KCNH7: variants seen among roughly 807,000 people sequenced by gnomAD.
The protein encoded by KCNH7 is potassium voltage-gated channel subfamily H member 7.
KCNH7 carries 49 observed loss-of-function variants against 120.8 expected under a neutral mutation model. The observed-to-expected ratio is 0.41, with a 90% CI of 0.32 to 0.51. KCNH7 has a LOEUF of 0.51. Ranked by LOEUF, KCNH7 falls within the 20% of genes least tolerant of loss-of-function variation. KCNH7 has a pLI of 0.38. For missense variants in KCNH7, 1,097 were observed against 1,446.6 expected, an observed-to-expected ratio of 0.76 and a Z score of 3.92; for synonymous variants, 547 against 516.1, an observed-to-expected ratio of 1.06 and a Z score of -0.81.
chr2:162,400,470 T>C (rs577155444), intron 9 of KCNH7, 29 bp from the exon 10 acceptor site: 1 of 1,607,852 alleles, frequency 6.2e-7, no homozygotes, highest in African/African-American at 1.3e-5. Flanking sequence ...AGTTTCATAC[T>C]ACCAGTGTTC....
intron 3 of KCNH7, among the ~76,000 whole-genome samples, chr2:162,531,752 T>A (rs902876589): frequency 3.3e-5 from 5 of 151,966 alleles, no homozygotes; most frequent in Non-Finnish European, 4.4e-5. Context: ...CATATTAGAA[T>A]CATATTACAT....
intron 8 of KCNH7, among the ~76,000 whole-genome samples, chr2:162,426,374 T>G (rs747131845): frequency 6.6e-6 from 1 of 152,160 alleles, no homozygotes; most frequent in African/African-American, 2.4e-5. Context: ...AAAATACTTA[T>G]GTTCTGTACA....
intron 2 of KCNH7, among the ~76,000 whole-genome samples, chr2:162,764,980 A>G (rs1298362454): frequency 6.6e-6 from 1 of 152,196 alleles, no homozygotes; most frequent in African/African-American, 2.4e-5. Flanking sequence ...AGAGCTATAA[A>G]ACCAAATTTA....
At chr2:162,655,851 C>T (rs146745623) in intron 2 of KCNH7, among the ~76,000 whole-genome samples, 1 of 152,136 alleles carries the variant, frequency 6.6e-6, no homozygotes, top group Admixed American at 6.5e-5. Context: ...CATATCAATT[C>T]GTAGCATAGT....
At position 162,527,376 on chromosome 2, in the gene KCNH7, T is replaced by C. The variant is rs190082181; in HGVS notation, c.464-9218A>G. On this transcript the variant is annotated intron_variant, in intron 3 of 15. Transcript: ENST00000332142. The stretch of plus-strand genomic sequence containing the variant: ...TATATTACTATTGCAGCTCTTCATC[T>C]TCAAAATAAAGAATGACTTTCAGCT... 3.0e-4 allele frequency among the ~76,000 whole-genome samples: 46 copies of C among 152,094 alleles called. 1 individual carries two copies. Among genetic ancestry groups the C allele is most frequent in the Admixed American group, 2.2e-3 (34 of 15,272 alleles).
chr2:162,518,640 C>G (rs1294832988), intron 3 of KCNH7, among the ~76,000 whole-genome samples: 1 of 151,610 alleles, frequency 6.6e-6, no homozygotes, highest in African/African-American at 2.4e-5. Context: ...AAGAATAGAC[C>G]TTGCATATTT....
rs538455488 is a variant in KCNH7 at position 162,485,426 on chromosome 2, G to A, written c.1128+19017C>T. On this transcript the variant is annotated intron_variant, in intron 6 of 15. Coordinates refer to ENST00000332142, the MANE Select transcript of KCNH7 (RefSeq NM_033272.4). ...TTTCAAGTAATAAGTTATGTAAAGTGGAAAGAAGTAATACTTGTTATTTAG... is the reference window on the plus strand; with the variant it reads ...TTTCAAGTAATAAGTTATGTAAAGTAGAAAGAAGTAATACTTGTTATTTAG... Among the ~76,000 whole-genome samples the A allele has an allele frequency of 1.7e-4, 26 of 152,168 alleles. No individual in the cohort carries two copies. In the East Asian group the frequency reaches 4.1e-3, roughly 24 times the overall value.
At chr2:162,724,148 C>G (rs553530390) in intron 2 of KCNH7, among the ~76,000 whole-genome samples, 3 of 152,196 alleles carry the variant, frequency 2.0e-5, no homozygotes, top group African/African-American at 7.2e-5. Flanking sequence ...TTAACCTACT[C>G]TGTGTATGTG....
chr2:162,429,025 A>G (rs1687967772), intron 8 of KCNH7, among the ~76,000 whole-genome samples: 1 of 151,864 alleles, frequency 6.6e-6, no homozygotes, highest in African/African-American at 2.4e-5. Context: ...TAAATATACT[A>G]TCTTGCTATT....
intron 2 of KCNH7, among the ~76,000 whole-genome samples, chr2:162,618,087 A>G (rs868106864): frequency 4.6e-5 from 7 of 152,008 alleles, no homozygotes; most frequent in Middle Eastern, 3.5e-3. Context: ...AAAGAGATGT[A>G]TATTATTAAT....
chr2:162,397,016 AG>A, intron 10 of KCNH7, 71 bp from the exon 11 acceptor site: 2 of 1,024,510 alleles, frequency 2.0e-6, no homozygotes, highest in Non-Finnish European at 2.9e-6. Context: ...TAAAAGTAGA[AG>A]GGGGTCATTA....
chr2:162,419,083 G>A (rs1473678577), intron 9 of KCNH7, among the ~76,000 whole-genome samples: 3 of 151,666 alleles, frequency 2.0e-5, no homozygotes, highest in Non-Finnish European at 4.4e-5. Context: ...TGCAATGGAA[G>A]TGCTATCAAG....
chr2:162,777,500 T>C (rs763459788), intron 2 of KCNH7, among the ~76,000 whole-genome samples: 4 of 152,156 alleles, frequency 2.6e-5, no homozygotes, highest in Non-Finnish European at 4.4e-5. Context: ...CTGACTGTAC[T>C]TTCTACTTAT....
chr2:162,521,147 A>AT (rs374960821), intron 3 of KCNH7, among the ~76,000 whole-genome samples: 9 of 151,704 alleles, frequency 5.9e-5, no homozygotes, highest in African/African-American at 1.9e-4. Flanking sequence ...TCTGTTTAAC[A>AT]TTTTTTCCAT....
intron 2 of KCNH7, among the ~76,000 whole-genome samples, chr2:162,543,607 G>C (rs1184708243): frequency 6.6e-6 from 1 of 152,098 alleles, no homozygotes; most frequent in Non-Finnish European, 1.5e-5. Context: ...AGAAGGGGAA[G>C]GCAGTGATAT....
At chr2:162,759,029 T>G (rs1156694457) in intron 2 of KCNH7, among the ~76,000 whole-genome samples, 1 of 151,768 alleles carries the variant, frequency 6.6e-6, no homozygotes. Context: ...CCTGAGAAAT[T>G]TTTGACTCCT....
intron 3 of KCNH7, among the ~76,000 whole-genome samples, chr2:162,525,317 C>T (rs1354495758): frequency 1.3e-5 from 2 of 151,882 alleles, no homozygotes; most frequent in Non-Finnish European, 1.5e-5. Context: ...GCTGCAGCAG[C>T]AAAACAGCAT....
At chr2:162,574,304 T>C (rs939018463) in intron 2 of KCNH7, among the ~76,000 whole-genome samples, 2 of 152,158 alleles carry the variant, frequency 1.3e-5, no homozygotes, top group African/African-American at 2.4e-5. Context: ...ATTCTTCAAG[T>C]TGACAGACAA....
In KCNH7 at chr2:162,446,366, G is replaced by A. The variant is rs1688575158; in HGVS notation, c.1206C>T (p.His402=). Residue 402 remains histidine, a synonymous_variant, in exon 7 of 16, where the codon CAC becomes CAT. Coordinates refer to ENST00000332142, the MANE Select transcript of KCNH7 (RefSeq NM_033272.4). Reference sequence around the variant, plus strand: ...CCCAGACTGCCTTGAAAGGGCTGTAGTGCAATATCGTAAACTTGTTGATGC... The same window carrying A: ...CCCAGACTGCCTTGAAAGGGCTGTAATGCAATATCGTAAACTTGTTGATGC... ...TPRINKFTIL[H]YSPFKAVWDW... 1 of 1,613,608 alleles carries A rather than the reference G, an allele frequency of 6.2e-7. No homozygotes were observed. Among genetic ancestry groups the A allele is most frequent in the South Asian group, 1.1e-5 (1 of 91,076 alleles).
Sources: gnomAD v4.1 joint callset for allele counts (sites outside exome capture counted in the v4.1 genomes callset) on GRCh38, gnomAD v4.1.1 for gene constraint, MANE v1.5 for transcripts, NCBI Gene and HGNC (gene_info 2026-07-23, HGNC 2026-07-21) for gene names.